The following MNAT1 variants were observed in gnomAD, a reference collection of about 807,000 sequenced individuals.
The protein encoded by MNAT1 is MNAT1 component of CDK activating kinase.
A neutral mutation model predicts 42.0 loss-of-function variants in MNAT1; 43 were observed. That is an observed-to-expected ratio of 1.02 (90% CI 0.80 to 1.32). MNAT1 has a LOEUF of 1.32. Ranked by LOEUF, MNAT1 falls within the 40% of genes most tolerant of loss-of-function variation. The probability of loss-of-function intolerance (pLI) is 0.00; values close to 1 mark genes in which losing one functional copy is unlikely to be tolerated. For synonymous variants in MNAT1, 118 were observed against 120.0 expected (o/e 0.98, Z 0.11); for missense variants, 306 against 350.4 (o/e 0.87, Z 1.01).
intron 7 of MNAT1, among the ~76,000 whole-genome samples, chr14:60,960,024 G>T (rs1451029377): frequency 7.2e-6 from 1 of 139,606 alleles, no homozygotes; most frequent in Non-Finnish European, 1.5e-5. Flanking sequence ...GTATTCCATT[G>T]TATCAATAAC....
intron 1 of MNAT1, among the ~76,000 whole-genome samples, chr14:60,748,810 TATAAA>T (rs1326060248): frequency 1.3e-5 from 2 of 152,212 alleles, no homozygotes; most frequent in African/African-American, 4.8e-5. Context: ...AGGAGTACAC[TATAAA>T]ATAACAATTA....
At chr14:60,918,758 T>TATATATATATATATATATA (rs371722863) in intron 7 of MNAT1, among the ~76,000 whole-genome samples, 20 of 142,412 alleles carry the variant, frequency 1.4e-4, no homozygotes, top group African/African-American at 4.1e-4. Flanking sequence ...ATATATATAT[T>TATATATATATATATATATA]TTTGTCCTTA....
At chr14:60,853,501 T>G (rs565545369) in intron 6 of MNAT1, among the ~76,000 whole-genome samples, 34 of 152,200 alleles carry the variant, frequency 2.2e-4, no homozygotes, top group Non-Finnish European at 4.3e-4. Context: ...ACAGAGACAA[T>G]TTGACTTCCT....
rs1369386505 is a variant in MNAT1 at position 60,766,293 on chromosome 14, G to A, written c.90-29924G>A. Among the ~76,000 whole-genome samples, 15 of 150,516 alleles carry A rather than the reference G, an allele frequency of 1.0e-4. No homozygotes were observed. In the Admixed American group the frequency reaches 1.0e-3, roughly 10 times the overall value. On this transcript the variant is annotated intron_variant, in intron 1 of 7. Transcript: ENST00000261245. Reference sequence around the variant, plus strand: ...ACCCGGGAGGCGGAGGTTATAATGAGTTGAGATAAAGCCACTGCACTCCAG... The same window carrying A: ...ACCCGGGAGGCGGAGGTTATAATGAATTGAGATAAAGCCACTGCACTCCAG...
intron 7 of MNAT1, among the ~76,000 whole-genome samples, chr14:60,956,949 A>G (rs1037787357): frequency 3.9e-5 from 6 of 151,912 alleles, no homozygotes; most frequent in African/African-American, 1.2e-4. Context: ...CAACCACTCT[A>G]TGTCTTTTGA....
At chr14:60,744,581 T>A (rs908183595) in intron 1 of MNAT1, among the ~76,000 whole-genome samples, 76 of 152,328 alleles carry the variant, frequency 5.0e-4, no homozygotes, top group African/African-American at 1.8e-3. Context: ...GTGTTGATTT[T>A]AAAAATTCTT....
At chr14:60,946,163 T>A (rs545593709) in intron 7 of MNAT1, among the ~76,000 whole-genome samples, 1 of 152,302 alleles carries the variant, frequency 6.6e-6, no homozygotes, top group East Asian at 1.9e-4. Context: ...CTTCTCTGTG[T>A]TGAAATATTT....
chr14:60,791,233 T>C (rs1288698227), intron 1 of MNAT1, among the ~76,000 whole-genome samples: 2 of 152,192 alleles, frequency 1.3e-5, no homozygotes, highest in Non-Finnish European at 2.9e-5. Context: ...CAACAGAAGA[T>C]TGATTAGACA....
intron 1 of MNAT1, among the ~76,000 whole-genome samples, chr14:60,735,805 G>C (rs550977244): frequency 1.1e-4 from 16 of 152,228 alleles, no homozygotes; most frequent in Non-Finnish European, 2.2e-4. Flanking sequence ...GTCAGATGTG[G>C]TTTAGTGAAG....
chr14:60,849,330 A>G (rs1207495699), intron 6 of MNAT1, among the ~76,000 whole-genome samples: 3 of 152,202 alleles, frequency 2.0e-5, no homozygotes, highest in African/African-American at 4.8e-5. Flanking sequence ...TTGCTTAACA[A>G]TATATTTGGA....
chr14:60,818,895 T>A (rs1293165590), intron 6 of MNAT1, 48 bp downstream of exon 6: 1 of 1,586,040 alleles, frequency 6.3e-7, no homozygotes, highest in Non-Finnish European at 8.6e-7. Flanking sequence ...TTTCAAGGAT[T>A]ATGCTTTATA....
chr14:60,760,226 C>T (rs1421180041), intron 1 of MNAT1, among the ~76,000 whole-genome samples: 1 of 151,854 alleles, frequency 6.6e-6, no homozygotes, highest in Non-Finnish European at 1.5e-5. Context: ...TTTTGAGTAT[C>T]AGCATATGCT....
At chr14:60,915,089 G>A (rs954127639) in intron 7 of MNAT1, among the ~76,000 whole-genome samples, 1 of 152,104 alleles carries the variant, frequency 6.6e-6, no homozygotes, top group African/African-American at 2.4e-5. Flanking sequence ...AATTTTTAAT[G>A]CAGATTGCTG....
intron 7 of MNAT1, among the ~76,000 whole-genome samples, chr14:60,943,498 T>A (rs2036216536): frequency 6.6e-6 from 1 of 152,206 alleles, no homozygotes; most frequent in Admixed American, 6.5e-5. Flanking sequence ...ATTAGGGTCA[T>A]CTTCTGGCTA....
At chr14:60,901,189 C>T (rs2035065967) in intron 7 of MNAT1, among the ~76,000 whole-genome samples, 1 of 152,072 alleles carries the variant, frequency 6.6e-6, no homozygotes, top group Non-Finnish European at 1.5e-5. Context: ...ATCTACTCTG[C>T]CTGTGCTTTA....
intron 1 of MNAT1, among the ~76,000 whole-genome samples, chr14:60,793,410 C>T (rs920436313): frequency 9.9e-5 from 15 of 151,668 alleles, no homozygotes; most frequent in African/African-American, 3.4e-4. Flanking sequence ...GTCACGCAGG[C>T]TGGAGTGCAG....
chr14:60,861,751 G>T (rs747147846), intron 6 of MNAT1, among the ~76,000 whole-genome samples: 4 of 152,232 alleles, frequency 2.6e-5, no homozygotes, highest in Non-Finnish European at 5.9e-5. Flanking sequence ...TACTTTTGAG[G>T]TTGTATTTGT....
intron 7 of MNAT1, among the ~76,000 whole-genome samples, chr14:60,962,270 G>A (rs1322468002): frequency 6.6e-6 from 1 of 152,138 alleles, no homozygotes; most frequent in Non-Finnish European, 1.5e-5. Flanking sequence ...ATAAACATCT[G>A]ACTTGGAAGA....
chr14:60,890,986 T>C (rs1268713266), intron 7 of MNAT1, among the ~76,000 whole-genome samples: 1 of 152,242 alleles, frequency 6.6e-6, no homozygotes, highest in African/African-American at 2.4e-5. Flanking sequence ...GGAGTGTTTC[T>C]TCCTCTTCAC....
Sources: gnomAD v4.1 joint callset for allele counts (sites outside exome capture counted in the v4.1 genomes callset) on GRCh38, gnomAD v4.1.1 for gene constraint, MANE v1.5 for transcripts, NCBI Gene and HGNC (gene_info 2026-07-23, HGNC 2026-07-21) for gene names.